The following AGBL1 variants were observed in gnomAD, a reference collection of about 807,000 sequenced individuals.
The protein encoded by AGBL1 is AGBL carboxypeptidase 1, also known as cytosolic carboxypeptidase 4.
Under a neutral mutation model 118.9 loss-of-function variants are expected in AGBL1, and 130 were observed. The observed-to-expected ratio is 1.09, with a 90% confidence interval of 0.95 to 1.26. AGBL1 has a LOEUF of 1.26. Ranked by LOEUF, AGBL1 falls within the 50% of genes most tolerant of loss-of-function variation. The pLI is 0.00. For synonymous variants in AGBL1, 555 were observed against 478.9 expected, an observed-to-expected ratio of 1.16 and a Z score of -2.08; for missense variants, 1,584 against 1,298.1, an observed-to-expected ratio of 1.22 and a Z score of -3.38.
At chr15:86,257,889 T>C in intron 8 of AGBL1, 75 bp from the exon 9 acceptor site, 7 of 1,435,818 alleles carry the variant, frequency 4.9e-6, no homozygotes, top group Non-Finnish European at 5.8e-6. Context: ...AGAACCACTG[T>C]ATGGTGAAAA....
intron 20 of AGBL1, among the ~76,000 whole-genome samples, chr15:86,552,158 T>C (rs80096322): frequency 0.021 from 3,255 of 152,298 alleles, 59 homozygotes; most frequent in Middle Eastern, 0.065. Flanking sequence ...GATGTTTCTA[T>C]GTAGGTTCAG....
In AGBL1 at chr15:86,365,001, A is replaced by ATATATATATATG. The variant is rs2080864465; in HGVS notation, c.2375-32357_2375-32356insTATGTATATATA. Among the ~76,000 whole-genome samples the ATATATATATATG allele has an allele frequency of 4.2e-4, 55 of 131,928 alleles. 2 individuals carry two copies. The highest frequency in any genetic ancestry group is 7.0e-4 in the South Asian group (3 of 4,266). 86.5% of individuals were successfully genotyped at this position (131,928 alleles called of 152,430 possible). ...TATATATATATATACACACACACAT[A>ATATATATATATG]TATATATACACACACATATATATAT... On this transcript the variant is annotated intron_variant, in intron 17 of 22. Coordinates refer to ENST00000614907, the MANE Select transcript of AGBL1 (RefSeq NM_001386094.1).
chr15:86,309,048 A>T (rs1012156043), intron 17 of AGBL1, among the ~76,000 whole-genome samples: 2 of 152,230 alleles, frequency 1.3e-5, no homozygotes, highest in Non-Finnish European at 2.9e-5. Flanking sequence ...ATTTCAACCC[A>T]TGAACATGGT....
At chr15:86,827,485 GTGTGTATATATATATATATATATA>G (rs2079042282) in intron 22 of AGBL1, among the ~76,000 whole-genome samples, 4 of 3,860 alleles carry the variant, frequency 1.0e-3, no homozygotes, top group Non-Finnish European at 1.5e-3. Flanking sequence ...ATATATATAT[GTGTGTATATATATATATATATATA>G]TATATATATA....
In AGBL1 at chr15:86,388,581, A is replaced by T. The variant is rs190092578; in HGVS notation, c.2375-8785A>T. Among the ~76,000 whole-genome samples, 119 of 152,252 alleles carry T rather than the reference A, an allele frequency of 7.8e-4. 1 individual carries two copies. The highest frequency in any genetic ancestry group is 2.8e-3 in the African/African-American group (115 of 41,540). ...TTCAATCAGTGAGAGGCAGAACGAG[A>T]TCTCAAACCAAAGTCTTCCAATTCA... On this transcript the variant is annotated intron_variant, in intron 17 of 22. Transcript: ENST00000614907.
chr15:86,441,401 G>A (rs2082062852), intron 18 of AGBL1, among the ~76,000 whole-genome samples: 1 of 152,100 alleles, frequency 6.6e-6, no homozygotes, highest in African/African-American at 2.4e-5. Flanking sequence ...TCCAATTCCT[G>A]CTCAAACAAA....
intron 23 of AGBL1, among the ~76,000 whole-genome samples, chr15:86,984,899 C>A (rs577966598): frequency 1.2e-4 from 19 of 152,306 alleles, no homozygotes; most frequent in African/African-American, 4.6e-4. Flanking sequence ...GCCTCCACTC[C>A]TGGCTGGTCA....
intron 19 of AGBL1, among the ~76,000 whole-genome samples, chr15:86,539,772 G>A (rs540174502): frequency 3.3e-5 from 5 of 152,236 alleles, no homozygotes; most frequent in African/African-American, 1.2e-4. Flanking sequence ...GCACCACATA[G>A]CACACTTCCA....
At chr15:86,788,879 A>G (rs1011564779) in intron 22 of AGBL1, among the ~76,000 whole-genome samples, 5 of 152,222 alleles carry the variant, frequency 3.3e-5, no homozygotes, top group African/African-American at 1.2e-4. Context: ...AAGCAAGTGC[A>G]AAGTGCAAGG....
chr15:86,163,494 G>A (rs978095926), intron 5 of AGBL1, among the ~76,000 whole-genome samples: 1 of 152,170 alleles, frequency 6.6e-6, no homozygotes, highest in African/African-American at 2.4e-5. Flanking sequence ...TTGGGAGGCT[G>A]AGGTGGGTGG....
intron 18 of AGBL1, among the ~76,000 whole-genome samples, chr15:86,489,783 G>T (rs1462510586): frequency 6.6e-6 from 1 of 152,074 alleles, no homozygotes; most frequent in Non-Finnish European, 1.5e-5. Context: ...GCTGACCTCT[G>T]GTCTAGATGA....
intron 17 of AGBL1, among the ~76,000 whole-genome samples, chr15:86,327,074 G>C (rs936834172): frequency 1.3e-5 from 2 of 152,126 alleles, no homozygotes; most frequent in Admixed American, 6.5e-5. Flanking sequence ...ATAGAGCAAA[G>C]AGGGACAGAG....
intron 18 of AGBL1, among the ~76,000 whole-genome samples, chr15:86,490,454 C>T (rs190481478): frequency 3.9e-5 from 6 of 152,186 alleles, no homozygotes; most frequent in African/African-American, 1.2e-4. Context: ...GTCATTCACA[C>T]GGGCAGGAGG....
intron 1 of AGBL1, among the ~76,000 whole-genome samples, chr15:86,095,883 G>C (rs1460386744): frequency 6.6e-6 from 1 of 151,820 alleles, no homozygotes; most frequent in Admixed American, 6.6e-5. Flanking sequence ...GTGACCTTAG[G>C]CAAGCCATGT....
At chr15:86,604,254 A>G (rs867766116) in intron 21 of AGBL1, among the ~76,000 whole-genome samples, 1 of 152,222 alleles carries the variant, frequency 6.6e-6, no homozygotes, top group Non-Finnish European at 1.5e-5. Context: ...GATAATTAAC[A>G]TTCTCATTAA....
At chr15:86,822,299 C>G (rs879097497) in intron 22 of AGBL1, among the ~76,000 whole-genome samples, 2 of 152,162 alleles carry the variant, frequency 1.3e-5, no homozygotes, top group Non-Finnish European at 2.9e-5. Flanking sequence ...ATCCCCTGTT[C>G]TTCTCAGTTT....
intron 22 of AGBL1, among the ~76,000 whole-genome samples, chr15:86,888,176 A>G (rs1464015822): frequency 2.6e-5 from 4 of 152,036 alleles, no homozygotes; most frequent in Non-Finnish European, 5.9e-5. Flanking sequence ...TACATGGACC[A>G]AGACCAGTCC....
intron 22 of AGBL1, among the ~76,000 whole-genome samples, chr15:86,760,290 T>G (rs2078005437): frequency 6.6e-6 from 1 of 152,050 alleles, no homozygotes; most frequent in African/African-American, 2.4e-5. Context: ...TAGGGTGTCT[T>G]CCATAAATCA....
At chr15:86,380,112 A>C (rs16976562) in intron 17 of AGBL1, among the ~76,000 whole-genome samples, 2 of 151,280 alleles carry the variant, frequency 1.3e-5, no homozygotes, top group African/African-American at 4.9e-5. Flanking sequence ...GGGACTTTTA[A>C]ATCTATATAC....
Sources: gnomAD v4.1 joint callset for allele counts (sites outside exome capture counted in the v4.1 genomes callset) on GRCh38, gnomAD v4.1.1 for gene constraint, MANE v1.5 for transcripts, NCBI Gene and HGNC (gene_info 2026-07-23, HGNC 2026-07-21) for gene names.